Variants in RICTOR observed in about 807,000 individuals in gnomAD.
The protein encoded by RICTOR is rapamycin-insensitive companion of mTOR.
A neutral mutation model predicts 214.9 loss-of-function variants in RICTOR; 49 were observed. The observed-to-expected ratio is 0.23, with a 90% CI of 0.18 to 0.29. The LOEUF is 0.29. Among genes scored for constraint, RICTOR ranks in the 10% least tolerant of loss-of-function variants. The pLI is 1.00. For missense variants in RICTOR, 1,625 were observed against 2,047.0 expected, an observed-to-expected ratio of 0.79 and a Z score of 3.98; for synonymous variants, 717 against 711.3, an observed-to-expected ratio of 1.01 and a Z score of -0.13.
rs1288207364 is a variant in RICTOR, at chr5:38,939,371, G to A, written c.*2933C>T. ...TTAATAATGTATATACTTCCAAAGA[G>A]CCTCTTTTAATGTCACTGTCATATA... On this transcript the variant is annotated 3_prime_UTR_variant, in exon 38 of 38. Transcript: ENST00000357387. 1 of 232,176 alleles carries A rather than the reference G, an allele frequency of 4.3e-6. No individual in the cohort carries two copies. Among genetic ancestry groups the A allele is most frequent in the East Asian group, 6.1e-5 (1 of 16,370 alleles). The allele number at this position is 232,176 out of a possible 1,614,324, so 14.4% of individuals were successfully genotyped here. A position where few individuals can be genotyped will look rare whatever the true frequency, so the allele number is the denominator to read the frequency against.
At chr5:38,975,727 A>G in intron 9 of RICTOR, 123 bp from the exon 10 acceptor site, 1 of 541,118 alleles carries the variant, frequency 1.8e-6, no homozygotes. Flanking sequence ...CATAAAATTA[A>G]AACAAGACAA....
chr5:39,034,631 T>C (rs1756527627), intron 2 of RICTOR, among the ~76,000 whole-genome samples: 1 of 152,132 alleles, frequency 6.6e-6, no homozygotes, highest in Non-Finnish European at 1.5e-5. Context: ...ACTGCGCTGT[T>C]CCAATGGGCT....
intron 2 of RICTOR, among the ~76,000 whole-genome samples, chr5:39,034,255 A>G (rs1216609699): frequency 6.6e-6 from 1 of 152,242 alleles, no homozygotes; most frequent in Non-Finnish European, 1.5e-5. Flanking sequence ...TAGGTATAGA[A>G]CACTAACAGA....
chr5:38,950,563 C>A lies in RICTOR; in HGVS notation c.3285G>T (p.Lys1095Asn), dbSNP rs1249602445. 4 of 1,613,168 alleles carry A rather than the reference C, an allele frequency of 2.5e-6. No individual in the cohort carries two copies. ...FPFFASSKLV[K>N]NRILNSLTLP... is the part of the protein sequence containing the mutation. ...AAGTAAGCGAATTTAAGATACGATT[C>A]TTCACAAGTTTACTAGAAGCAAAGA... The change falls in exon 31 of 38, where the codon AAG becomes AAT. Residue 1095 changes from lysine to asparagine, a missense_variant. By Grantham distance (94) the Lys-to-Asn change is moderately conservative (BLOSUM62 0). Coordinates refer to ENST00000357387, the MANE Select transcript of RICTOR (RefSeq NM_152756.5).
Position 38,944,922 on chromosome 5 carries a change from A to G in RICTOR, c.4780T>C (p.Leu1594=). The change falls in exon 35 of 38, where the codon TTG becomes CTG. Residue 1594 remains leucine (L), a synonymous_variant. Coordinates refer to ENST00000357387, the MANE Select transcript of RICTOR (RefSeq NM_152756.5). ...GSASSTKSTE[L]LLGVKTIPDD... ...GAATCTGAAGACTCACCTAGTAACA[A>G]TTCTGTGCTTTTGGTGCTGCTAGCT... 6.2e-7 allele frequency: 1 copy of G among 1,613,914 alleles called. No homozygotes were observed.
chr5:39,066,729 G>A (rs998016325), intron 2 of RICTOR, among the ~76,000 whole-genome samples: 4 of 152,138 alleles, frequency 2.6e-5, no homozygotes, highest in South Asian at 2.1e-4. Flanking sequence ...CATTTCTTCC[G>A]CCAGATACCA....
At chr5:39,016,283 T>C (rs1181256407) in intron 3 of RICTOR, among the ~76,000 whole-genome samples, 2 of 141,076 alleles carry the variant, frequency 1.4e-5, no homozygotes, top group Non-Finnish European at 3.0e-5. Context: ...ATACACTGCA[T>C]ACTCTACAGT....
At chr5:38,955,044 C>T (rs969083824) in intron 26 of RICTOR, 183 bp from the exon 27 acceptor site, 1 of 438,348 alleles carries the variant, frequency 2.3e-6, no homozygotes. Flanking sequence ...TTCCCTAATC[C>T]AAAATGATCC....
chr5:38,946,945 G>A (rs1748273325), intron 32 of RICTOR, among the ~76,000 whole-genome samples: 2 of 151,230 alleles, frequency 1.3e-5, no homozygotes, highest in South Asian at 4.2e-4. Flanking sequence ...TGAGGTATAA[G>A]TTAAATGTGA....
intron 7 of RICTOR, among the ~76,000 whole-genome samples, chr5:38,987,304 G>T (rs1276908570): frequency 6.6e-6 from 1 of 152,178 alleles, no homozygotes; most frequent in Admixed American, 6.5e-5. Flanking sequence ...TGTGGTACCA[G>T]CTCCTCTTTG....
chr5:38,943,176 T>A (rs1284945677), intron 36 of RICTOR: 15 of 426,294 alleles, frequency 3.5e-5, no homozygotes, highest in East Asian at 1.1e-4. Flanking sequence ...TTAAAAAAAA[T>A]GATTATCAAA....
chr5:39,023,060 G>GAGAT (rs1295184465), intron 2 of RICTOR, among the ~76,000 whole-genome samples: 1 of 152,032 alleles, frequency 6.6e-6, no homozygotes, highest in Non-Finnish European at 1.5e-5. Context: ...ACCACTGATA[G>GAGAT]AGATAATCTT....
In RICTOR at chr5:38,951,623, T is replaced by C. The variant is rs192092892; in HGVS notation, c.3127+573A>G. Among the ~76,000 whole-genome samples, 96 of 152,118 alleles carry C rather than the reference T, an allele frequency of 6.3e-4. 2 individuals are homozygous for C. The East Asian group carries it at 0.016, about 26-fold the overall frequency. Reference sequence around the variant, plus strand: ...CTCAGATTTGGTGAAATACACAGTCTGATAAAGCTGACACTATCTTCTTAA... The same window carrying C: ...CTCAGATTTGGTGAAATACACAGTCCGATAAAGCTGACACTATCTTCTTAA... On this transcript the variant is annotated intron_variant, in intron 30 of 37. Coordinates refer to ENST00000357387, the MANE Select transcript of RICTOR (RefSeq NM_152756.5).
At chr5:39,054,017 G>A (rs889992091) in intron 2 of RICTOR, among the ~76,000 whole-genome samples, 1 of 152,176 alleles carries the variant, frequency 6.6e-6, no homozygotes, top group African/African-American at 2.4e-5. Context: ...GGGAGGCGGA[G>A]GTTGCAGTGA....
chr5:39,035,242 C>A (rs1267581391), intron 2 of RICTOR, among the ~76,000 whole-genome samples: 2 of 152,220 alleles, frequency 1.3e-5, no homozygotes, highest in African/African-American at 2.4e-5. Context: ...CGAACTCCAA[C>A]AGACCTGCAG....
At chr5:39,019,567 T>G (rs889286557) in intron 3 of RICTOR, among the ~76,000 whole-genome samples, 1 of 152,180 alleles carries the variant, frequency 6.6e-6, no homozygotes, top group African/African-American at 2.4e-5. Flanking sequence ...ACTACATATT[T>G]TAAACATACT....
intron 15 of RICTOR, among the ~76,000 whole-genome samples, chr5:38,965,452 G>C (rs956879864): frequency 6.6e-6 from 1 of 152,054 alleles, no homozygotes; most frequent in East Asian, 1.9e-4. Context: ...GATAGAAAAT[G>C]TAAGAATAAT....
At chr5:39,037,580 TAAAG>T (rs1391150946) in intron 2 of RICTOR, among the ~76,000 whole-genome samples, 11 of 151,492 alleles carry the variant, frequency 7.3e-5, no homozygotes, top group Admixed American at 6.6e-4. Context: ...GCAAGACTAA[TAAAG>T]AAGAAAAGAG....
chr5:39,042,727 A>G (rs1326988529), intron 2 of RICTOR, among the ~76,000 whole-genome samples: 1 of 152,216 alleles, frequency 6.6e-6, no homozygotes, highest in Non-Finnish European at 1.5e-5. Context: ...ACCTAAAACA[A>G]TGGTTGGCAA....
Sources: allele counts gnomAD v4.1 joint callset (sites outside exome capture counted in the v4.1 genomes callset), GRCh38; gene constraint gnomAD v4.1.1; transcripts MANE v1.5; gene names NCBI Gene and HGNC (gene_info 2026-07-23, HGNC 2026-07-21).